The following STYK1 variants were observed in gnomAD, a reference collection of about 807,000 sequenced individuals.
The protein encoded by STYK1 is STY kinase 1.
In STYK1, 46 loss-of-function variants were observed where a neutral mutation model predicts 48.1. The ratio of observed to expected loss-of-function variants is 0.96; its 90% CI spans 0.75 to 1.22. The LOEUF (loss-of-function observed/expected upper bound fraction) is 1.22, where lower values mean the gene tolerates loss of function less well. STYK1 is among the 50% of genes most tolerant of loss of function. The pLI is 0.00. For synonymous variants in STYK1, 188 were observed against 189.0 expected (o/e 0.99, Z 0.04); for missense variants, 527 against 521.1 (o/e 1.01, Z -0.11).
rs775813818 is a variant in STYK1 at position 10,624,647 on chromosome 12, G to A, written c.926+4C>T. 18 of 1,613,328 alleles carry A rather than the reference G, an allele frequency of 1.1e-5. No homozygotes were observed. Among genetic ancestry groups the A allele is most frequent in the East Asian group, 4.5e-5 (2 of 44,880 alleles). On this transcript the variant is annotated splice_donor_region_variant and intron_variant, in intron 8 of 10. Coordinates refer to ENST00000075503, the MANE Select transcript of STYK1 (RefSeq NM_018423.3). The stretch of plus-strand genomic sequence containing the variant: ...TAAACTCAGAGTCCAGGAATAAACC[G>A]TACACATCTGCTCTGATGCTAGCAG...
chr12:10,630,075 G>C (rs894170893), intron 5 of STYK1, among the ~76,000 whole-genome samples: 3 of 128,780 alleles, frequency 2.3e-5, no homozygotes, highest in Non-Finnish European at 4.7e-5. Flanking sequence ...GAGAGAGAGA[G>C]AGAGAGAGAG....
At chr12:10,661,323 C>A (rs1947774600) in intron 1 of STYK1, among the ~76,000 whole-genome samples, 1 of 152,124 alleles carries the variant, frequency 6.6e-6, no homozygotes, top group Admixed American at 6.6e-5. Context: ...GGCCTTTTCC[C>A]AGGACCCAAG....
intron 1 of STYK1, among the ~76,000 whole-genome samples, chr12:10,660,758 CA>C (rs1404215780): frequency 3.3e-5 from 5 of 152,170 alleles, no homozygotes. Flanking sequence ...TGCTAAGAGA[CA>C]CTGCCACCAG....
chr12:10,666,227 G>A (rs2120814527), intron 1 of STYK1, among the ~76,000 whole-genome samples: 1 of 152,268 alleles, frequency 6.6e-6, no homozygotes, highest in East Asian at 1.9e-4. Flanking sequence ...TTGATTTTAA[G>A]CCTTTTTTCA....
intron 4 of STYK1, among the ~76,000 whole-genome samples, chr12:10,631,690 A>G (rs1268123101): frequency 1.3e-5 from 2 of 152,210 alleles, no homozygotes; most frequent in African/African-American, 4.8e-5. Context: ...ACTGTCATTT[A>G]AATCAGACAA....
Position 10,620,712 on chromosome 12 carries a change from C to T in STYK1, c.1065-364G>A, listed in dbSNP as rs913457099. On this transcript the variant is annotated intron_variant, in intron 10 of 10. Transcript: ENST00000075503. ...ATGTCATTTTTACTCTGATATGAGA[C>T]GGAGCTTTTAATCATGTATACTGCT... 6.6e-5 allele frequency among the ~76,000 whole-genome samples: 10 copies of T among 152,244 alleles called. No individual in the cohort carries two copies. In the East Asian group the frequency reaches 1.2e-3, roughly 18 times the overall value.
Position 10,657,700 on chromosome 12 carries a change from C to G in STYK1, c.-195+16266G>C, listed in dbSNP as rs542813610. Among the ~76,000 whole-genome samples the G allele has an allele frequency of 2.7e-3, 411 of 152,290 alleles. 2 individuals carry two copies. Among genetic ancestry groups the G allele is most frequent in the African/African-American group, 9.6e-3 (401 of 41,566 alleles). On this transcript the variant is annotated intron_variant, in intron 1 of 10. Coordinates refer to ENST00000075503, the MANE Select transcript of STYK1 (RefSeq NM_018423.3). The stretch of plus-strand genomic sequence containing the variant: ...CTGGGGATATGTAGAATTAGACATG[C>G]CCCCTGGCAATGCTGGAAAGAATCA...
At chr12:10,630,056 AG>A in intron 5 of STYK1, among the ~76,000 whole-genome samples, 1 of 23,562 alleles carries the variant, frequency 4.2e-5, no homozygotes, top group African/African-American at 1.6e-4. Flanking sequence ...AGAGAGAGAG[AG>A]AGAGAGAGAG....
At chr12:10,638,129 T>C (rs1386802457) in intron 1 of STYK1, among the ~76,000 whole-genome samples, 2 of 152,204 alleles carry the variant, frequency 1.3e-5, no homozygotes, top group African/African-American at 4.8e-5. Flanking sequence ...GAATCAAGGG[T>C]CTAGTGAAAT....
chr12:10,668,818 C>T (rs992239195), intron 1 of STYK1, among the ~76,000 whole-genome samples: 1 of 152,022 alleles, frequency 6.6e-6, no homozygotes, highest in East Asian at 1.9e-4. Flanking sequence ...AACCAGTTTG[C>T]CTATTATTAT....
At chr12:10,654,800 G>T (rs191089105) in intron 1 of STYK1, among the ~76,000 whole-genome samples, 1 of 152,186 alleles carries the variant, frequency 6.6e-6, no homozygotes, top group Non-Finnish European at 1.5e-5. Flanking sequence ...GATGTTAACT[G>T]CTATTCTCTT....
Position 10,629,694 on chromosome 12 carries a change from C to G in STYK1, c.452-20G>C. On this transcript the variant is annotated intron_variant, in intron 5 of 10. Coordinates refer to ENST00000075503, the MANE Select transcript of STYK1 (RefSeq NM_018423.3). Reference sequence around the variant, plus strand: ...CTGGTTCTGTAGAGGACGAAAGATCCAGGCAGTGAGCAGTCAGAGCATCCT... The same window carrying G: ...CTGGTTCTGTAGAGGACGAAAGATCGAGGCAGTGAGCAGTCAGAGCATCCT... 1 of 1,613,922 alleles carries G rather than the reference C, an allele frequency of 6.2e-7. No homozygotes were observed. The highest frequency in any genetic ancestry group is 1.1e-5 in the South Asian group (1 of 90,980).
chr12:10,625,257 AC>A (rs1947343786), intron 7 of STYK1, among the ~76,000 whole-genome samples: 1 of 151,956 alleles, frequency 6.6e-6, no homozygotes, highest in African/African-American at 2.4e-5. Flanking sequence ...TCGCTCTGTC[AC>A]CCAGGCTGGA....
chr12:10,630,345 C>T (rs531717070), intron 5 of STYK1, among the ~76,000 whole-genome samples: 3 of 123,530 alleles, frequency 2.4e-5, no homozygotes, highest in African/African-American at 9.0e-5. Flanking sequence ...CAGATGGCAC[C>T]ATTGCACTCT....
intron 1 of STYK1, among the ~76,000 whole-genome samples, chr12:10,670,632 G>A (rs1057318200): frequency 6.6e-6 from 1 of 151,348 alleles, no homozygotes; most frequent in Admixed American, 6.6e-5. Flanking sequence ...ATTCCTCCTT[G>A]TTAGGAGGAA....
intron 4 of STYK1, among the ~76,000 whole-genome samples, chr12:10,632,957 T>C (rs1348735185): frequency 4.6e-5 from 7 of 152,162 alleles, no homozygotes; most frequent in Admixed American, 1.3e-4. Flanking sequence ...TTCAGGACCT[T>C]TGTTTTGGTC....
intron 1 of STYK1, among the ~76,000 whole-genome samples, chr12:10,651,168 T>C (rs1402478913): frequency 6.6e-6 from 1 of 152,210 alleles, no homozygotes; most frequent in African/African-American, 2.4e-5. Context: ...AACAGCCTCC[T>C]GCCTTGGTCC....
intron 7 of STYK1, 93 bp from the exon 8 acceptor site, chr12:10,624,952 A>C: frequency 9.0e-7 from 1 of 1,110,892 alleles, no homozygotes; most frequent in Non-Finnish European, 1.4e-6. Context: ...TCAAAAACAC[A>C]AGGACATTTT....
intron 1 of STYK1, among the ~76,000 whole-genome samples, chr12:10,654,379 T>C (rs1048456054): frequency 2.6e-5 from 4 of 152,226 alleles, no homozygotes; most frequent in African/African-American, 9.6e-5. Context: ...CTTTACTCTA[T>C]GGAGTCACCC....
Sources: gnomAD v4.1 joint callset for allele counts (sites outside exome capture counted in the v4.1 genomes callset) on GRCh38, gnomAD v4.1.1 for gene constraint, MANE v1.5 for transcripts, NCBI Gene and HGNC (gene_info 2026-07-23, HGNC 2026-07-21) for gene names.